The following MYO5B variants were observed in gnomAD, a reference collection of about 807,000 sequenced individuals.
MYO5B encodes the protein unconventional myosin-Vb.
Under a neutral mutation model 229.3 loss-of-function variants are expected in MYO5B, and 143 were observed. The observed-to-expected ratio is 0.62, with a 90% CI of 0.54 to 0.72. MYO5B has a LOEUF of 0.72. MYO5B is among the 30% of genes least tolerant of loss of function. MYO5B has a pLI of 0.00. For missense variants in MYO5B, 2,321 were observed against 2,331.0 expected (o/e 1.00, Z 0.09); for synonymous variants, 918 against 885.2 (o/e 1.04, Z -0.66).
chr18:50,048,653 G>T (rs1450648511), intron 2 of MYO5B, among the ~76,000 whole-genome samples: 2 of 152,170 alleles, frequency 1.3e-5, no homozygotes, highest in South Asian at 2.1e-4. Flanking sequence ...AAGCATGAAG[G>T]TATCATCTCT....
intron 26 of MYO5B, among the ~76,000 whole-genome samples, chr18:49,874,213 C>T (rs4939597): frequency 0.19 from 29,098 of 152,136 alleles, 3,008 homozygotes; most frequent in East Asian, 0.41. Flanking sequence ...AACTATTGTT[C>T]AGTGGTTATT....
intron 1 of MYO5B, among the ~76,000 whole-genome samples, chr18:50,162,326 T>C (rs906805251): frequency 7.1e-6 from 1 of 140,114 alleles, no homozygotes; most frequent in Non-Finnish European, 1.6e-5. Flanking sequence ...TGCCAAGTGC[T>C]AGCATATTTT....
chr18:49,976,236 G>C (rs1051742632), intron 9 of MYO5B, among the ~76,000 whole-genome samples: 1 of 152,204 alleles, frequency 6.6e-6, no homozygotes, highest in Non-Finnish European at 1.5e-5. Context: ...GGATTTAAAT[G>C]AGGGCTTAAT....
intron 25 of MYO5B, among the ~76,000 whole-genome samples, 166 bp from the exon 26 acceptor site, chr18:49,875,993 T>G (rs1377675392): frequency 6.6e-6 from 1 of 152,250 alleles, no homozygotes; most frequent in Non-Finnish European, 1.5e-5. Flanking sequence ...CTAACATTTC[T>G]CATATCACAG....
intron 16 of MYO5B, among the ~76,000 whole-genome samples, chr18:49,930,960 C>T (rs1334173816): frequency 6.6e-6 from 1 of 151,700 alleles, no homozygotes; most frequent in Non-Finnish European, 1.5e-5. Flanking sequence ...CTAGAGTAAG[C>T]AGGGAGTCTT....
chr18:49,881,715 T>C (rs2024587778), intron 22 of MYO5B, among the ~76,000 whole-genome samples: 2 of 1,180 alleles, frequency 1.7e-3, no homozygotes, highest in African/African-American at 6.5e-3. Context: ...GGCAGGAGAA[T>C]GGCGTGAACT....
intron 2 of MYO5B, among the ~76,000 whole-genome samples, chr18:50,053,394 C>CAGAGCTAAACAGGA (rs1387483842): frequency 1.3e-5 from 2 of 152,192 alleles, no homozygotes; most frequent in Non-Finnish European, 2.9e-5. Context: ...GTTTTAGCAA[C>CAGAGCTAAACAGGA]ATGGCAGATC....
chr18:49,844,899 T>A (rs142723024), intron 33 of MYO5B, among the ~76,000 whole-genome samples: 8 of 152,302 alleles, frequency 5.3e-5, no homozygotes, highest in African/African-American at 1.4e-4. Flanking sequence ...TAGTTTTATT[T>A]CTCCTCCACA....
chr18:49,881,788 G>A lies in MYO5B; in HGVS notation c.3046-1333C>T, dbSNP rs1228702093. Among the ~76,000 whole-genome samples the A allele has an allele frequency of 3.3e-5, 4 of 120,818 alleles. No individual in the cohort carries two copies. In the East Asian group the frequency reaches 1.0e-3, roughly 31 times the overall value. 79.3% of individuals were successfully genotyped at this position (120,818 alleles called of 152,430 possible). ...ACTGTACTCCAGCCTGGGAGACAGT[G>A]AGACTCCGTCTCAAAAAAAAAAAAA... On this transcript the variant is annotated intron_variant, in intron 22 of 39. Transcript: ENST00000285039.
Position 50,047,074 on chromosome 18 carries a change from C to A in MYO5B, c.139-6760G>T, listed in dbSNP as rs566789030. On this transcript the variant is annotated intron_variant, in intron 2 of 39. Coordinates refer to ENST00000285039, the MANE Select transcript of MYO5B (RefSeq NM_001080467.3). ...ACACCAAAAGCAATGGCAACAAAAG[C>A]CAAAATTGACAAATGGGATCTAATT... Among the ~76,000 whole-genome samples, 188 of 152,186 alleles carry A rather than the reference C, an allele frequency of 1.2e-3. 2 individuals are homozygous for A. The highest frequency in any genetic ancestry group is 3.9e-3 in the African/African-American group (162 of 41,518).
intron 13 of MYO5B, 129 bp downstream of exon 13, chr18:49,954,184 G>A: frequency 1.4e-6 from 2 of 1,399,430 alleles, no homozygotes; most frequent in Admixed American, 1.7e-5. Flanking sequence ...GAGGATGGAA[G>A]GGGAACCTAG....
intron 21 of MYO5B, among the ~76,000 whole-genome samples, chr18:49,900,965 G>A (rs1037184552): frequency 2.0e-5 from 3 of 152,198 alleles, no homozygotes; most frequent in Non-Finnish European, 4.4e-5. Context: ...CCTGGTCCCA[G>A]CACTTTCTAT....
intron 16 of MYO5B, among the ~76,000 whole-genome samples, chr18:49,934,205 GAC>G (rs2025225192): frequency 6.6e-6 from 1 of 152,062 alleles, no homozygotes; most frequent in South Asian, 2.1e-4. Context: ...AAGGAAATGA[GAC>G]ACAGAGAGCA....
chr18:50,113,199 T>C lies in MYO5B; in HGVS notation c.28-57821A>G, dbSNP rs146630309. ...ATTTGCTCAGTACCTGTAGTCAGCA[T>C]TGTTCTAAGTACCGGGCATAAAACA... On this transcript the variant is annotated intron_variant, in intron 1 of 39. Coordinates refer to ENST00000285039, the MANE Select transcript of MYO5B (RefSeq NM_001080467.3). Among the ~76,000 whole-genome samples, 829 of 152,316 alleles carry C rather than the reference T, an allele frequency of 5.4e-3. 7 individuals carry two copies. The highest frequency in any genetic ancestry group is 0.018 in the African/African-American group (753 of 41,560).
At chr18:50,129,551 T>C (rs73430345) in intron 1 of MYO5B, among the ~76,000 whole-genome samples, 3,534 of 152,260 alleles carry the variant, frequency 0.023, 122 homozygotes, top group African/African-American at 0.081. Flanking sequence ...TACAGACACC[T>C]CACCATACGC....
intron 14 of MYO5B, among the ~76,000 whole-genome samples, chr18:49,938,782 G>A (rs8094647): frequency 0.2 from 29,738 of 152,084 alleles, 3,673 homozygotes; most frequent in African/African-American, 0.35. Context: ...TTTGCTTACT[G>A]TGCTATTTTT....
chr18:50,001,210 G>GGA (rs1391330349), intron 5 of MYO5B, 45 bp downstream of exon 5: 1 of 1,613,214 alleles, frequency 6.2e-7, no homozygotes, highest in East Asian at 2.2e-5. Context: ...GCTGCCAGTG[G>GGA]GAGGAGCTCC....
chr18:49,907,233 TGA>T (rs2024909847), intron 18 of MYO5B, among the ~76,000 whole-genome samples: 2 of 152,146 alleles, frequency 1.3e-5, no homozygotes, highest in African/African-American at 4.8e-5. Flanking sequence ...AAAATTGGGG[TGA>T]GAGCCACAGG....
chr18:49,861,055 G>T (rs1003267643), intron 29 of MYO5B, among the ~76,000 whole-genome samples: 7 of 152,178 alleles, frequency 4.6e-5, no homozygotes, highest in African/African-American at 1.7e-4. Flanking sequence ...GGCCCACCAT[G>T]GCCACTTCCA....
Sources: allele counts gnomAD v4.1 joint callset (sites outside exome capture counted in the v4.1 genomes callset), GRCh38; gene constraint gnomAD v4.1.1; transcripts MANE v1.5; gene names NCBI Gene and HGNC (gene_info 2026-07-23, HGNC 2026-07-21).